Variants in ZC3H12B observed in about 807,000 individuals in gnomAD.
ZC3H12B encodes zinc finger CCCH-type containing 12B.
A neutral mutation model predicts 43.9 loss-of-function variants in ZC3H12B; 7 were observed. The observed-to-expected ratio is 0.16, with a 90% CI of 0.09 to 0.30. The LOEUF (loss-of-function observed/expected upper bound fraction) is 0.30, where lower values mean the gene tolerates loss of function less well. ZC3H12B is among the 10% of genes least tolerant of loss of function. The probability of loss-of-function intolerance (pLI) is 1.00; values close to 1 mark genes in which losing one functional copy is unlikely to be tolerated. For synonymous variants in ZC3H12B, 222 were observed against 241.7 expected (o/e 0.92, Z 0.76); for missense variants, 475 against 670.2 (o/e 0.71, Z 3.22).
chrX:65,351,553 T>A, the ZC3H12B span, among the ~76,000 whole-genome samples: 1 of 111,505 alleles, frequency 9.0e-6, no homozygotes, highest in African/African-American at 3.3e-5. Flanking sequence ...GGAGAAAAAA[T>A]TTGCAATCTA....
At chrX:65,446,860 G>C (rs1490571427) in intron 3 of ZC3H12B, among the ~76,000 whole-genome samples, 1 of 111,956 alleles carries the variant, frequency 8.9e-6, no homozygotes, top group East Asian at 2.8e-4. Flanking sequence ...GTGCTTTCTT[G>C]TGTCAATAGT....
At chrX:65,112,319 C>A in the ZC3H12B span, among the ~76,000 whole-genome samples, 760 of 112,309 alleles carry the variant, frequency 6.8e-3, 10 homozygotes, top group African/African-American at 0.023. Context: ...AAGCTGTCTT[C>A]ATAACATAAA....
At chrX:65,244,353 T>G in the ZC3H12B span, among the ~76,000 whole-genome samples, 1 of 110,984 alleles carries the variant, frequency 9.0e-6, no homozygotes, top group East Asian at 2.8e-4. Context: ...TCGTGAGAAT[T>G]ACCGAAACAT....
the ZC3H12B span, among the ~76,000 whole-genome samples, chrX:65,205,703 C>T: frequency 9.0e-6 from 1 of 111,285 alleles, no homozygotes; most frequent in Non-Finnish European, 1.9e-5. Context: ...GAAGACCATC[C>T]AAGTTGGTAA....
chrX:65,407,213 G>A (rs937833275), intron 3 of ZC3H12B, among the ~76,000 whole-genome samples: 1 of 112,939 alleles, frequency 8.9e-6, no homozygotes, highest in Admixed American at 9.2e-5. Context: ...CGGAGCGGCC[G>A]GGCCGGCCGT....
At chrX:65,380,433 G>T (rs753011966) in intron 2 of ZC3H12B, among the ~76,000 whole-genome samples, 1 of 111,109 alleles carries the variant, frequency 9.0e-6, no homozygotes, top group African/African-American at 3.3e-5. Context: ...CACCAGGCCC[G>T]CCCTAAAAGA....
intron 2 of ZC3H12B, among the ~76,000 whole-genome samples, chrX:65,395,985 AT>A (rs1026632083): frequency 1.8e-5 from 2 of 111,689 alleles, no homozygotes; most frequent in Non-Finnish European, 3.8e-5. Context: ...AGAGGTGTTT[AT>A]AATATTCTCT....
At chrX:65,195,884 A>G in the ZC3H12B span, among the ~76,000 whole-genome samples, 25 of 112,099 alleles carry the variant, frequency 2.2e-4, no homozygotes, top group Admixed American at 2.8e-4. Context: ...TAGGCCTGGA[A>G]CCTGGCCTTT....
At chrX:65,311,617 C>T in the ZC3H12B span, among the ~76,000 whole-genome samples, 2 of 111,540 alleles carry the variant, frequency 1.8e-5, 1 homozygote, top group South Asian at 7.5e-4. Context: ...CTAGAAATAC[C>T]ATTTGACCCA....
chrX:65,200,298 G>T, the ZC3H12B span, among the ~76,000 whole-genome samples: 5 of 110,565 alleles, frequency 4.5e-5, no homozygotes, highest in African/African-American at 1.3e-4. Context: ...TCTCAATGGG[G>T]TTTTTTTCTT....
chrX:65,332,522 C>T, the ZC3H12B span, among the ~76,000 whole-genome samples: 4 of 111,441 alleles, frequency 3.6e-5, no homozygotes, highest in Non-Finnish European at 7.5e-5. Flanking sequence ...AACTGTGCAA[C>T]TGTTGGAACC....
chrX:65,227,079 A>G, the ZC3H12B span, among the ~76,000 whole-genome samples: 1 of 111,196 alleles, frequency 9.0e-6, no homozygotes, highest in Non-Finnish European at 1.9e-5. Context: ...CATAATATAC[A>G]TTTTTTTCAG....
At chrX:65,100,634 C>T in the ZC3H12B span, among the ~76,000 whole-genome samples, 1 of 60,556 alleles carries the variant, frequency 1.7e-5, no homozygotes, top group South Asian at 9.2e-4. Flanking sequence ...ACAGACTAAA[C>T]CACAAAGATG....
the ZC3H12B span, among the ~76,000 whole-genome samples, chrX:65,230,188 T>C: frequency 2.7e-5 from 3 of 111,537 alleles, no homozygotes; most frequent in African/African-American, 9.8e-5. Flanking sequence ...ATATACACCA[T>C]GGAATACTAT....
the ZC3H12B span, among the ~76,000 whole-genome samples, chrX:65,066,396 T>C: frequency 8.9e-6 from 1 of 111,780 alleles, no homozygotes; most frequent in East Asian, 2.8e-4. Flanking sequence ...AACAGCAGGC[T>C]CCTCTTCTGC....
the ZC3H12B span, among the ~76,000 whole-genome samples, chrX:65,300,325 G>A: frequency 1.8e-5 from 2 of 111,979 alleles, no homozygotes; most frequent in Admixed American, 1.9e-4. Context: ...TGCTGTTGAG[G>A]GGGCAGGGTG....
the ZC3H12B span, among the ~76,000 whole-genome samples, chrX:65,170,353 A>T: frequency 8.9e-6 from 1 of 111,913 alleles, no homozygotes; most frequent in Non-Finnish European, 1.9e-5. Context: ...AGATTGTTGA[A>T]TATTTGCCCC....
the ZC3H12B span, among the ~76,000 whole-genome samples, chrX:65,111,623 T>C: frequency 9.1e-6 from 1 of 110,408 alleles, no homozygotes; most frequent in African/African-American, 3.3e-5. Context: ...GTGCCATTTT[T>C]CCAAAAGCAT....
At chrX:65,162,979 T>C in the ZC3H12B span, among the ~76,000 whole-genome samples, 1 of 112,258 alleles carries the variant, frequency 8.9e-6, no homozygotes, top group Non-Finnish European at 1.9e-5. Flanking sequence ...TAGCTTTCCT[T>C]GTAACAGACA....
Sources: gnomAD v4.1 joint callset for allele counts (sites outside exome capture counted in the v4.1 genomes callset) on GRCh38, gnomAD v4.1.1 for gene constraint, MANE v1.5 for transcripts, NCBI Gene and HGNC (gene_info 2026-07-23, HGNC 2026-07-21) for gene names.